The following FAF1 variants were observed in gnomAD, a reference collection of about 807,000 sequenced individuals.
FAF1 encodes Fas associated factor 1.
Under a neutral mutation model 92.5 loss-of-function variants are expected in FAF1, and 25 were observed. That is an observed-to-expected ratio of 0.27 (90% CI 0.20 to 0.38). The LOEUF is 0.38. Ranked by LOEUF, FAF1 falls within the 10% of genes least tolerant of loss-of-function variation. The pLI, the probability that FAF1 is intolerant of heterozygous loss-of-function variation, is 1.00. For synonymous variants in FAF1, 234 were observed against 273.2 expected, an observed-to-expected ratio of 0.86 and a Z score of 1.42; for missense variants, 636 against 793.3, an observed-to-expected ratio of 0.80 and a Z score of 2.38.
chr1:50,729,000 C>CT (rs1162846379), intron 6 of FAF1, among the ~76,000 whole-genome samples: 45 of 115,626 alleles, frequency 3.9e-4, no homozygotes, highest in Non-Finnish European at 4.4e-4. Context: ...CCAAAGAAAA[C>CT]TTTATCTATC....
intron 1 of FAF1, among the ~76,000 whole-genome samples, chr1:50,957,347 CTTTTTTTT>C (rs1188286312): frequency 6.7e-5 from 7 of 104,244 alleles, no homozygotes; most frequent in African/African-American, 2.7e-4. Context: ...TTTTCATTTT[CTTTTTTTT>C]TTTTTTTTTT....
intron 7 of FAF1, among the ~76,000 whole-genome samples, chr1:50,661,155 A>C (rs1298515462): frequency 6.6e-6 from 1 of 152,100 alleles, no homozygotes; most frequent in East Asian, 1.9e-4. Context: ...GAGATTTGGC[A>C]TTTACTTTTA....
intron 15 of FAF1, among the ~76,000 whole-genome samples, chr1:50,525,761 G>C (rs1647759246): frequency 1.3e-5 from 2 of 152,130 alleles, no homozygotes; most frequent in Non-Finnish European, 2.9e-5. Context: ...TATGATGAAA[G>C]GGTGTGGATT....
chr1:50,571,989 T>G (rs1040256942), intron 12 of FAF1, among the ~76,000 whole-genome samples: 1 of 130,762 alleles, frequency 7.6e-6, no homozygotes, highest in African/African-American at 2.7e-5. Flanking sequence ...TAGTTCATAG[T>G]TTTTTTCAGT....
chr1:50,916,925 T>C (rs1261509914), intron 1 of FAF1, among the ~76,000 whole-genome samples: 1 of 152,122 alleles, frequency 6.6e-6, no homozygotes, highest in African/African-American at 2.4e-5. Context: ...TGAACCAAGC[T>C]GTAGTTTTAA....
chr1:50,607,778 G>A (rs191476123), intron 8 of FAF1, among the ~76,000 whole-genome samples: 11 of 152,248 alleles, frequency 7.2e-5, no homozygotes, highest in African/African-American at 2.2e-4. Flanking sequence ...AGTGACACTC[G>A]GACAAATCTT....
At chr1:50,898,234 T>C (rs930865611) in intron 1 of FAF1, among the ~76,000 whole-genome samples, 1 of 152,056 alleles carries the variant, frequency 6.6e-6, no homozygotes, top group Admixed American at 6.6e-5. Flanking sequence ...AGCTCAGAAG[T>C]TAGAAGATAT....
At chr1:50,670,573 C>T (rs188536086) in intron 7 of FAF1, among the ~76,000 whole-genome samples, 5 of 152,236 alleles carry the variant, frequency 3.3e-5, no homozygotes, top group African/African-American at 9.6e-5. Context: ...GGTAGAAATA[C>T]TGCAGTTAAA....
At chr1:50,492,292 AG>A (rs1646848978) in intron 15 of FAF1, among the ~76,000 whole-genome samples, 1 of 152,204 alleles carries the variant, frequency 6.6e-6, no homozygotes, top group Non-Finnish European at 1.5e-5. Flanking sequence ...GGGTCAGTGT[AG>A]AAAGAGGCCA....
intron 18 of FAF1, among the ~76,000 whole-genome samples, chr1:50,446,559 T>G (rs1056381341): frequency 6.6e-6 from 1 of 152,152 alleles, no homozygotes; most frequent in African/African-American, 2.4e-5. Context: ...ACTATTAGGC[T>G]GGGAGCGACC....
At chr1:50,782,743 T>A (rs905665939) in intron 4 of FAF1, among the ~76,000 whole-genome samples, 5 of 152,062 alleles carry the variant, frequency 3.3e-5, no homozygotes, top group Admixed American at 2.6e-4. Context: ...CTAAGGTTAA[T>A]TCTTATTAAA....
intron 2 of FAF1, among the ~76,000 whole-genome samples, chr1:50,855,579 T>C (rs951989552): frequency 3.3e-5 from 5 of 151,812 alleles, no homozygotes; most frequent in African/African-American, 7.2e-5. Context: ...AGGCAAAATA[T>C]AGAGGACATC....
chr1:50,824,600 C>T lies in FAF1; in HGVS notation c.115-22923G>A, dbSNP rs552494591. Among the ~76,000 whole-genome samples, 4 of 152,198 alleles carry T rather than the reference C, an allele frequency of 2.6e-5. No individual in the cohort carries two copies. The South Asian group carries it at 8.3e-4, about 32-fold the overall frequency. ...AAGACAGATTTACTGTATGATGTAG[C>T]AATTCCACTGCAGGGTATACATCCA... is the stretch of plus-strand genomic sequence containing the variant. On this transcript the variant is annotated intron_variant, in intron 2 of 18. Transcript: ENST00000396153.
intron 1 of FAF1, among the ~76,000 whole-genome samples, chr1:50,910,155 C>T (rs1160889378): frequency 1.3e-5 from 2 of 152,190 alleles, no homozygotes; most frequent in Admixed American, 1.3e-4. Flanking sequence ...CCACTCCAGA[C>T]CCTGTTTGCC....
At chr1:50,807,665 G>C (rs1662260425) in intron 2 of FAF1, among the ~76,000 whole-genome samples, 2 of 152,124 alleles carry the variant, frequency 1.3e-5, no homozygotes, top group Admixed American at 1.3e-4. Flanking sequence ...AGAGAGGAAA[G>C]AATCTCAGAG....
At chr1:50,685,346 C>A (rs558521623) in intron 7 of FAF1, among the ~76,000 whole-genome samples, 2 of 152,202 alleles carry the variant, frequency 1.3e-5, no homozygotes, top group South Asian at 4.2e-4. Context: ...GGGAAGTGAT[C>A]CTACTGTTAT....
chr1:50,749,776 G>A (rs1188633133), intron 4 of FAF1, among the ~76,000 whole-genome samples: 2 of 150,804 alleles, frequency 1.3e-5, no homozygotes, highest in African/African-American at 2.4e-5. Flanking sequence ...ATGACAGAGT[G>A]AGAACCTGTC....
At chr1:50,537,188 ATG>A (rs1376653863) in intron 14 of FAF1, among the ~76,000 whole-genome samples, 2 of 152,162 alleles carry the variant, frequency 1.3e-5, no homozygotes, top group Non-Finnish European at 2.9e-5. Flanking sequence ...TGGGTACTAT[ATG>A]GAGTACACTG....
intron 1 of FAF1, among the ~76,000 whole-genome samples, chr1:50,915,511 T>C (rs185323809): frequency 6.6e-6 from 1 of 152,230 alleles, no homozygotes; most frequent in East Asian, 1.9e-4. Context: ...AAAACCTAAC[T>C]GTTTACAGAG....
Sources: allele counts gnomAD v4.1 joint callset (sites outside exome capture counted in the v4.1 genomes callset), GRCh38; gene constraint gnomAD v4.1.1; transcripts MANE v1.5; gene names NCBI Gene and HGNC (gene_info 2026-07-23, HGNC 2026-07-21).